Variants in CSMD1 observed in about 807,000 individuals in gnomAD.
The protein encoded by CSMD1 is CUB and Sushi multiple domains 1, also known as CUB and sushi domain-containing protein 1.
Under a neutral mutation model 417.5 loss-of-function variants are expected in CSMD1, and 213 were observed. The ratio of observed to expected loss-of-function variants is 0.51; its 90% CI spans 0.46 to 0.57. CSMD1 has a LOEUF of 0.57. Ranked by LOEUF, CSMD1 falls within the 20% of genes least tolerant of loss-of-function variation. The pLI, the probability that CSMD1 is intolerant of heterozygous loss-of-function variation, is 0.00. For synonymous variants in CSMD1, 2,862 were observed against 1,736.8 expected, an observed-to-expected ratio of 1.65 and a Z score of -16.11; for missense variants, 6,923 against 4,529.7, an observed-to-expected ratio of 1.53 and a Z score of -15.17.
intron 3 of CSMD1, among the ~76,000 whole-genome samples, chr8:4,044,838 G>A (rs145163006): frequency 8.5e-6 from 1 of 117,574 alleles, no homozygotes; most frequent in Non-Finnish European, 1.9e-5. Context: ...AGCACCCCAG[G>A]CTTGTACCAT....
rs182606978 is a variant in CSMD1, at chr8:4,773,632, G to A, written c.86-136074C>T. ...TCAGGAGTGTTTGTCATCTCCTTTTGGGTTATTGAACGAGCACTGCAATGT... is the reference window on the plus strand; with the variant it reads ...TCAGGAGTGTTTGTCATCTCCTTTTAGGTTATTGAACGAGCACTGCAATGT... On this transcript the variant is annotated intron_variant, in intron 1 of 69. Transcript: ENST00000635120. 5.3e-4 allele frequency among the ~76,000 whole-genome samples: 80 copies of A among 152,176 alleles called. No individual in the cohort carries two copies. In the East Asian group the frequency reaches 7.0e-3, roughly 13 times the overall value.
intron 41 of CSMD1, among the ~76,000 whole-genome samples, chr8:3,134,602 T>G (rs1158435566): frequency 6.6e-6 from 1 of 152,234 alleles, no homozygotes; most frequent in Non-Finnish European, 1.5e-5. Context: ...AAAATTGTTC[T>G]TTTTAAACTG....
At chr8:4,422,737 AAAAAT>A (rs1244198218) in intron 2 of CSMD1, among the ~76,000 whole-genome samples, 14 of 152,160 alleles carry the variant, frequency 9.2e-5, no homozygotes, top group African/African-American at 3.4e-4. Flanking sequence ...CAGAAAAAAG[AAAAAT>A]AAAATAATGT....
chr8:4,348,905 C>T (rs1466797848), intron 3 of CSMD1, among the ~76,000 whole-genome samples: 1 of 152,160 alleles, frequency 6.6e-6, no homozygotes, highest in Non-Finnish European at 1.5e-5. Flanking sequence ...AAGCCTTTCT[C>T]CCTGTGATAT....
chr8:4,230,626 C>G (rs995545016), intron 3 of CSMD1, among the ~76,000 whole-genome samples: 4 of 152,188 alleles, frequency 2.6e-5, no homozygotes, highest in African/African-American at 9.6e-5. Flanking sequence ...TTTAAACCCC[C>G]AAATTTGTGA....
intron 3 of CSMD1, among the ~76,000 whole-genome samples, chr8:4,069,987 C>A (rs187979278): frequency 1.3e-3 from 202 of 151,934 alleles, no homozygotes; most frequent in Non-Finnish European, 1.9e-3. Context: ...TTCTTTCCTG[C>A]CTTCCTTTAG....
intron 25 of CSMD1, among the ~76,000 whole-genome samples, chr8:3,299,174 A>C (rs1227516934): frequency 6.6e-6 from 1 of 152,132 alleles, no homozygotes; most frequent in Non-Finnish European, 1.5e-5. Context: ...GAGTGAAGCC[A>C]GGTATGGTGG....
At chr8:4,833,555 G>C (rs1457453035) in intron 1 of CSMD1, among the ~76,000 whole-genome samples, 1 of 152,190 alleles carries the variant, frequency 6.6e-6, no homozygotes, top group Admixed American at 6.5e-5. Context: ...AAGTAGATAA[G>C]TCATTATAAT....
chr8:4,818,734 A>C (rs1029283381), intron 1 of CSMD1, among the ~76,000 whole-genome samples: 2 of 152,222 alleles, frequency 1.3e-5, no homozygotes, highest in African/African-American at 4.8e-5. Context: ...TGCAAATGCA[A>C]ACATAACTCA....
chr8:4,018,558 G>A (rs767151785), intron 4 of CSMD1, among the ~76,000 whole-genome samples: 6 of 152,162 alleles, frequency 3.9e-5, no homozygotes, highest in Non-Finnish European at 5.9e-5. Context: ...CTGCTTTGAT[G>A]AGAAAAGCAG....
At chr8:3,599,752 T>G (rs1801272484) in intron 8 of CSMD1, among the ~76,000 whole-genome samples, 1 of 152,182 alleles carries the variant, frequency 6.6e-6, no homozygotes, top group Admixed American at 6.5e-5. Flanking sequence ...CCTCTCTTCT[T>G]TCACCAGGTG....
intron 5 of CSMD1, among the ~76,000 whole-genome samples, chr8:3,794,616 T>C (rs560586780): frequency 1.3e-4 from 13 of 96,588 alleles, no homozygotes; most frequent in African/African-American, 2.8e-4. Flanking sequence ...ATATTAATAA[T>C]TATTTTTTAA....
At chr8:3,311,998 A>AAAAT (rs1430019062) in intron 23 of CSMD1, among the ~76,000 whole-genome samples, 2 of 152,216 alleles carry the variant, frequency 1.3e-5, no homozygotes, top group Admixed American at 6.5e-5. Flanking sequence ...CTAAAATCCA[A>AAAAT]AAATAGGCTT....
At chr8:4,305,270 T>A (rs939776898) in intron 3 of CSMD1, among the ~76,000 whole-genome samples, 1 of 152,148 alleles carries the variant, frequency 6.6e-6, no homozygotes, top group Non-Finnish European at 1.5e-5. Context: ...TTCCAATGCC[T>A]GGGAACTGAG....
At chr8:4,405,291 A>G (rs1473295795) in intron 3 of CSMD1, among the ~76,000 whole-genome samples, 1 of 152,218 alleles carries the variant, frequency 6.6e-6, no homozygotes, top group Non-Finnish European at 1.5e-5. Context: ...TTATCATAGC[A>G]TATTGAAATA....
intron 62 of CSMD1, among the ~76,000 whole-genome samples, 170 bp downstream of exon 62, chr8:2,960,971 T>C (rs1803422484): frequency 6.8e-6 from 1 of 146,500 alleles, no homozygotes; most frequent in Non-Finnish European, 1.5e-5. Flanking sequence ...TATATACATA[T>C]ATTGATTTTG....
chr8:4,882,402 T>C (rs1010016838), intron 1 of CSMD1, among the ~76,000 whole-genome samples: 1 of 151,616 alleles, frequency 6.6e-6, no homozygotes, highest in African/African-American at 2.4e-5. Context: ...GGGAGCGAGT[T>C]TGGCATTGTG....
chr8:4,643,289 T>C (rs1177248548), intron 1 of CSMD1, among the ~76,000 whole-genome samples: 1 of 152,218 alleles, frequency 6.6e-6, no homozygotes, highest in Non-Finnish European at 1.5e-5. Flanking sequence ...TTTTACTACA[T>C]CTATTTTGTG....
chr8:3,235,689 G>T (rs1376512288), intron 26 of CSMD1, among the ~76,000 whole-genome samples: 1 of 152,136 alleles, frequency 6.6e-6, no homozygotes, highest in East Asian at 1.9e-4. Context: ...AGTAGAAACA[G>T]TGCCTTGCAC....
Sources: gnomAD v4.1 joint callset for allele counts (sites outside exome capture counted in the v4.1 genomes callset) on GRCh38, gnomAD v4.1.1 for gene constraint, MANE v1.5 for transcripts, NCBI Gene and HGNC (gene_info 2026-07-23, HGNC 2026-07-21) for gene names.